The following UNC119 variants were observed in gnomAD, a reference collection of about 807,000 sequenced individuals.
The protein encoded by UNC119 is protein unc-119 homolog A.
A neutral mutation model predicts 22.6 loss-of-function variants in UNC119; 15 were observed. The observed-to-expected ratio is 0.66, with a 90% confidence interval of 0.44 to 1.02. The LOEUF is 1.02. Ranked by LOEUF, UNC119 falls within the 50% of genes least tolerant of loss-of-function variation. The probability of loss-of-function intolerance (pLI) is 0.00; values close to 1 mark genes in which losing one functional copy is unlikely to be tolerated. For synonymous variants in UNC119, 138 were observed against 139.4 expected (o/e 0.99, Z 0.07); for missense variants, 322 against 336.0 (o/e 0.96, Z 0.33).
Position 28,552,578 on chromosome 17 carries a change from C to A in UNC119, c.-21G>T, listed in dbSNP as rs929548682. 3 of 1,490,032 alleles carry A rather than the reference C, an allele frequency of 2.0e-6. No homozygotes were observed. The highest frequency in any genetic ancestry group is 2.7e-6 in the Non-Finnish European group (3 of 1,128,036). The allele number at this position is 1,490,032 out of a possible 1,614,324, so 92.3% of individuals were successfully genotyped here. A position where few individuals can be genotyped will look rare whatever the true frequency, so the allele number is the denominator to read the frequency against. ...TTCATGGCCTTGCGGGGCCGAGGCT[C>A]GCCTGCTGCTGCCGCCGCTGCCTGC... On this transcript the variant is annotated 5_prime_UTR_variant, in exon 1 of 5. Transcript: ENST00000335765.
intron 2 of UNC119, 22 bp from the exon 3 acceptor site, chr17:28,548,123 G>T (rs747857520): frequency 6.3e-7 from 1 of 1,598,086 alleles, no homozygotes; most frequent in Non-Finnish European, 8.5e-7. Context: ...CCCAGCTGGG[G>T]CTCAGTGGGC....
intron 4 of UNC119, 78 bp downstream of exon 4, chr17:28,547,599 C>G: frequency 3.7e-6 from 6 of 1,612,698 alleles, no homozygotes; most frequent in Non-Finnish European, 4.2e-6. Context: ...GGATCAGACC[C>G]ACAAGTCCCT....
chr17:28,547,800 C>T lies in UNC119; in HGVS notation c.487G>A (p.Glu163Lys), dbSNP rs930130211. The change falls in exon 4 of 5, where the codon GAG (glutamate) becomes AAG (lysine). Residue 163 changes from glutamate to lysine, a missense_variant. Transcript: ENST00000335765. ...AGCTGGTTGCGGAAGTAGTGCCTCT[C>T]GATCATGCGGAAGTTGTTGACAGGC... Reference protein sequence around the residue: ...DKPVNNFRMIERHYFRNQLLK... With the variant: ...DKPVNNFRMIKRHYFRNQLLK... 1.2e-6 allele frequency: 2 copies of T among 1,614,154 alleles called. No homozygotes were observed. Among genetic ancestry groups the T allele is most frequent in the Admixed American group, 1.7e-5 (1 of 60,014 alleles).
Position 28,548,635 on chromosome 17 carries a change from G to T in UNC119, c.291C>A (p.Asp97Glu), listed in dbSNP as rs2070238477. 1.2e-6 allele frequency: 2 copies of T among 1,614,206 alleles called. No individual in the cohort carries two copies. The highest frequency in any genetic ancestry group is 4.5e-5 in the East Asian group (2 of 44,878). Residue 97 changes from aspartate (D) to glutamate (E), a missense_variant, in exon 2 of 5, where the codon GAC becomes GAA. Physicochemically the swap from Asp to Glu is conservative, Grantham distance 45. Transcript: ENST00000335765. ...TGATTTCAAAGAGGACAGTGCCTGA[G>T]TCCATGTCCCGAATCTTAAACCTGA... The part of the protein sequence containing the change: ...DFVRFKIRDM[D>E]SGTVLFEIKK...
chr17:28,548,177 C>T, intron 2 of UNC119, 76 bp from the exon 3 acceptor site: 2 of 1,429,676 alleles, frequency 1.4e-6, no homozygotes, highest in South Asian at 1.2e-5. Context: ...CCCTTGGGTC[C>T]CCATCTATCT....
chr17:28,549,515 C>G (rs1169435356), intron 1 of UNC119: 1 of 152,392 alleles, frequency 6.6e-6, no homozygotes, highest in Non-Finnish European at 1.5e-5. Context: ...TGCTCTCATC[C>G]TTTGTTGATC....
intron 1 of UNC119, chr17:28,551,822 TC>T: frequency 4.3e-6 from 1 of 234,928 alleles, no homozygotes; most frequent in South Asian, 4.4e-5. Context: ...CTGCTCAGTT[TC>T]TTTCCCGGGG....
At position 28,547,675 on chromosome 17, in the gene UNC119, A is replaced by G; in HGVS notation, c.610+2T>C. Reference sequence around the variant, plus strand: ...CACTCCCAGAAGACCCTGCCCGCGCACTCAGCTCCTCGGAGAGAGGGGGGA... The same window carrying G: ...CACTCCCAGAAGACCCTGCCCGCGCGCTCAGCTCCTCGGAGAGAGGGGGGA... On this transcript the variant is annotated splice_donor_variant, in intron 4 of 4. Transcript: ENST00000335765. LOFTEE classifies it high-confidence loss of function. 6.2e-7 allele frequency: 1 copy of G among 1,614,136 alleles called. No homozygotes were observed. Among genetic ancestry groups the G allele is most frequent in the South Asian group, 1.1e-5 (1 of 91,086 alleles).
intron 1 of UNC119, 161 bp downstream of exon 1, chr17:28,552,177 G>C (rs957169854): frequency 1.4e-6 from 1 of 705,896 alleles, no homozygotes; most frequent in South Asian, 1.7e-5. Flanking sequence ...AGAGATCTCA[G>C]ACCTGGCGGC....
In UNC119 at chr17:28,548,725, G is replaced by A; in HGVS notation, c.221-20C>T. The A allele has an allele frequency of 2.5e-6, 4 of 1,603,348 alleles. No individual in the cohort carries two copies. Among genetic ancestry groups the A allele is most frequent in the East Asian group, 2.2e-5 (1 of 44,796 alleles). On this transcript the variant is annotated intron_variant, in intron 1 of 4. Coordinates refer to ENST00000335765, the MANE Select transcript of UNC119 (RefSeq NM_005148.4). ...GGTAGTCTAGGGGAAACAGGCAGCTGAGCAAGGAAGGGGCCGCAAAGCCCC... is the reference window on the plus strand; with the variant it reads ...GGTAGTCTAGGGGAAACAGGCAGCTAAGCAAGGAAGGGGCCGCAAAGCCCC...
rs2070228064 is a variant in UNC119 at position 28,547,985 on chromosome 17, GC to G, written c.437+13del. On this transcript the variant is annotated intron_variant, in intron 3 of 4. Coordinates refer to ENST00000335765, the MANE Select transcript of UNC119 (RefSeq NM_005148.4). ...TCCCTCACCCCCACCACCACCCATAGCCCAGCGACTCACGTGGCTCCCACCT... is the reference window on the plus strand; with the variant it reads ...TCCCTCACCCCCACCACCACCCATAGCCAGCGACTCACGTGGCTCCCACCT... 1 of 1,613,642 alleles carries G rather than the reference GC, an allele frequency of 6.2e-7. No individual in the cohort carries two copies. Among genetic ancestry groups the G allele is most frequent in the Non-Finnish European group, 8.5e-7 (1 of 1,179,918 alleles).
At position 28,548,450 on chromosome 17, in the gene UNC119, G is replaced by A. The variant is rs760985886; in HGVS notation, c.334+142C>T. ...AAACATATGGGAAGGAAAAGAAAGGGCCCCCCTGCCTGCAGACTCCTGAGA... is the reference window on the plus strand; with the variant it reads ...AAACATATGGGAAGGAAAAGAAAGGACCCCCCTGCCTGCAGACTCCTGAGA... On this transcript the variant is annotated intron_variant, in intron 2 of 4. Coordinates refer to ENST00000335765, the MANE Select transcript of UNC119 (RefSeq NM_005148.4). 1.4e-5 allele frequency: 10 copies of A among 693,560 alleles called. No homozygotes were observed. In the East Asian group the frequency reaches 1.9e-4, roughly 13 times the overall value. The allele number at this position is 693,560 out of a possible 1,614,324, so 43.0% of individuals were successfully genotyped here.
At chr17:28,548,804 C>A in intron 1 of UNC119, 99 bp from the exon 2 acceptor site, 1 of 895,620 alleles carries the variant, frequency 1.1e-6, no homozygotes, top group Non-Finnish European at 1.8e-6. Flanking sequence ...CTTCTCATCC[C>A]TGGGATCACT....
At position 28,552,604 on chromosome 17, in the gene UNC119, G is replaced by A. The variant is rs761394889; in HGVS notation, c.-47C>T. 29 of 1,457,354 alleles carry A rather than the reference G, an allele frequency of 2.0e-5. No homozygotes were observed. Among genetic ancestry groups the A allele is most frequent in the Non-Finnish European group, 2.5e-5 (28 of 1,107,398 alleles). 90.3% of individuals were successfully genotyped at this position (1,457,354 alleles called of 1,614,324 possible). A position where few individuals can be genotyped will look rare whatever the true frequency, so the allele number is the denominator to read the frequency against. ...GCCTGCTGCTGCCGCCGCTGCCTGC[G>A]CCGGCTGGAGCCGGGGGAAGTGGGA... On this transcript the variant is annotated 5_prime_UTR_variant, in exon 1 of 5. Coordinates refer to ENST00000335765, the MANE Select transcript of UNC119 (RefSeq NM_005148.4).
At position 28,547,987 on chromosome 17, in the gene UNC119, C is replaced by T; in HGVS notation, c.437+12G>A. 6.2e-7 allele frequency: 1 copy of T among 1,613,828 alleles called. No individual in the cohort carries two copies. Among genetic ancestry groups the T allele is most frequent in the Non-Finnish European group, 8.5e-7 (1 of 1,180,002 alleles). On this transcript the variant is annotated intron_variant, in intron 3 of 4. Coordinates refer to ENST00000335765, the MANE Select transcript of UNC119 (RefSeq NM_005148.4). ...CCTCACCCCCACCACCACCCATAGC[C>T]CAGCGACTCACGTGGCTCCCACCTG...
In UNC119 at chr17:28,552,198, G is replaced by A; in HGVS notation, c.220+140C>T. On this transcript the variant is annotated intron_variant, in intron 1 of 4. Transcript: ENST00000335765. ...CTCAGACCTGGCGGCAGAAGGGAGA[G>A]CAGGGGACACAGGAGAGGGGACTCG... is the stretch of plus-strand genomic sequence containing the variant. The A allele has an allele frequency of 3.8e-6, 3 of 779,234 alleles. 1 individual carries two copies. In the South Asian group the frequency reaches 5.1e-5, roughly 13 times the overall value. The allele number at this position is 779,234 out of a possible 1,614,324, so 48.3% of individuals were successfully genotyped here.
chr17:28,550,181 A>G (rs2070255752), intron 1 of UNC119: 1 of 152,292 alleles, frequency 6.6e-6, no homozygotes, highest in Non-Finnish European at 1.5e-5. Flanking sequence ...GGCAACCCCT[A>G]TCTCACCCCA....
chr17:28,547,636 C>T (rs771181994), intron 4 of UNC119, 41 bp downstream of exon 4: 15 of 1,613,942 alleles, frequency 9.3e-6, no homozygotes, highest in Middle Eastern at 1.7e-4. Flanking sequence ...AGTCTCTAGA[C>T]GCCCCCACTT....
At chr17:28,547,487 TACAGGGACAGCCAA>T in intron 4 of UNC119, 78 bp from the exon 5 acceptor site, 2 of 1,596,940 alleles carry the variant, frequency 1.3e-6, no homozygotes, top group Non-Finnish European at 1.7e-6. Context: ...AGGACTGGGG[TACAGGGACAGCCAA>T]ACAGCCTGAA....
Sources: allele counts gnomAD v4.1 joint callset, GRCh38; gene constraint gnomAD v4.1.1; transcripts MANE v1.5; gene names NCBI Gene and HGNC (gene_info 2026-07-23, HGNC 2026-07-21).